The following SLC6A11 variants were observed in gnomAD, a reference collection of about 807,000 sequenced individuals.
SLC6A11 encodes solute carrier family 6 member 11.
In SLC6A11, 25 loss-of-function variants were observed where a neutral mutation model predicts 74.8. The observed-to-expected ratio is 0.33, with a 90% CI of 0.24 to 0.47. SLC6A11 has a LOEUF of 0.47. SLC6A11 is among the 20% of genes least tolerant of loss of function. SLC6A11 has a pLI of 1.00. For missense variants in SLC6A11, 574 were observed against 837.0 expected, an observed-to-expected ratio of 0.69 and a Z score of 3.88; for synonymous variants, 330 against 330.2, an observed-to-expected ratio of 1.00 and a Z score of 0.01.
At chr3:10,870,758 C>T (rs982103347) in intron 5 of SLC6A11, among the ~76,000 whole-genome samples, 3 of 152,182 alleles carry the variant, frequency 2.0e-5, no homozygotes, top group Non-Finnish European at 2.9e-5. Flanking sequence ...ACTTGTGTGC[C>T]TTACATAATG....
chr3:10,856,515 G>A (rs1694639986), intron 5 of SLC6A11, among the ~76,000 whole-genome samples: 1 of 152,206 alleles, frequency 6.6e-6, no homozygotes, highest in East Asian at 1.9e-4. Context: ...TGAAGATATT[G>A]AGGCCCAGAG....
intron 6 of SLC6A11, among the ~76,000 whole-genome samples, chr3:10,888,400 T>C (rs1162801422): frequency 1.3e-5 from 2 of 152,206 alleles, no homozygotes; most frequent in African/African-American, 2.4e-5. Context: ...AGGAAGAATC[T>C]GACTGAGGAT....
At position 10,932,775 on chromosome 3, in the gene SLC6A11, C is replaced by T. The variant is rs899600894; in HGVS notation, c.1372-376C>T. Among the ~76,000 whole-genome samples the T allele has an allele frequency of 4.6e-5, 7 of 152,090 alleles. No individual in the cohort carries two copies. The East Asian group carries it at 9.7e-4, about 21-fold the overall frequency. On this transcript the variant is annotated intron_variant, in intron 10 of 13. Coordinates refer to ENST00000254488, the MANE Select transcript of SLC6A11 (RefSeq NM_014229.3). ...AGAGGAAGGTTCCTCTGAAAGCTGG[C>T]GTGCAGACGGATTGGAGAGGGTGAG...
At chr3:10,923,766 A>T (rs920821448) in intron 8 of SLC6A11, among the ~76,000 whole-genome samples, 2 of 152,212 alleles carry the variant, frequency 1.3e-5, no homozygotes, top group African/African-American at 4.8e-5. Context: ...AAAGAGAAAA[A>T]GAGTAATGTT....
chr3:10,894,465 C>T (rs1431385093), intron 6 of SLC6A11, among the ~76,000 whole-genome samples: 3 of 152,216 alleles, frequency 2.0e-5, no homozygotes, highest in African/African-American at 7.2e-5. Flanking sequence ...GGCTCATTTA[C>T]ACCACCTCTC....
At chr3:10,873,961 C>T (rs62238739) in intron 5 of SLC6A11, among the ~76,000 whole-genome samples, 7 of 142,646 alleles carry the variant, frequency 4.9e-5, no homozygotes, top group Admixed American at 1.4e-4. Flanking sequence ...TGCTATGCTA[C>T]GCTATGCTAT....
At chr3:10,826,822 T>A (rs1329821126) in intron 4 of SLC6A11, among the ~76,000 whole-genome samples, 1 of 152,242 alleles carries the variant, frequency 6.6e-6, no homozygotes, top group South Asian at 2.1e-4. Flanking sequence ...CCCTTTGCAA[T>A]ATCCATATTA....
chr3:10,843,172 C>T (rs1005385847), intron 4 of SLC6A11, among the ~76,000 whole-genome samples: 7 of 152,100 alleles, frequency 4.6e-5, no homozygotes, highest in South Asian at 4.1e-4. Flanking sequence ...AAACCCCAAG[C>T]GTGGGTTCTG....
chr3:10,830,070 A>C (rs1694274690), intron 4 of SLC6A11, among the ~76,000 whole-genome samples: 1 of 152,140 alleles, frequency 6.6e-6, no homozygotes. Flanking sequence ...GAAAAAAAAA[A>C]CAAAAAGAGT....
rs1381038489 is a variant in SLC6A11, at chr3:10,873,990, A to ATG, written c.757-971_757-970insTG. Among the ~76,000 whole-genome samples, 130 of 133,106 alleles carry ATG rather than the reference A, an allele frequency of 9.8e-4. 3 individuals are homozygous for ATG. In the East Asian group the frequency reaches 0.021, roughly 22 times the overall value. The allele number at this position is 133,106 out of a possible 152,430, so 87.3% of individuals were successfully genotyped here. A position where few individuals can be genotyped will look rare whatever the true frequency, so the allele number is the denominator to read the frequency against. On this transcript the variant is annotated intron_variant, in intron 5 of 13. Transcript: ENST00000254488. ...ATGCTATGCTACGCTACGCTACGCTACGCTATGCTATGCTATGCTATGCTA... is the reference window on the plus strand; with the variant it reads ...ATGCTATGCTACGCTACGCTACGCTATGCGCTATGCTATGCTATGCTATGCTA...
intron 4 of SLC6A11, among the ~76,000 whole-genome samples, chr3:10,827,714 T>G (rs941518500): frequency 1.3e-5 from 2 of 152,184 alleles, no homozygotes; most frequent in African/African-American, 4.8e-5. Flanking sequence ...AGATGGAAGA[T>G]GAGGTTCTAG....
At position 10,933,194 on chromosome 3, in the gene SLC6A11, G is replaced by A; in HGVS notation, c.1415G>A (p.Ser472Asn). 6.2e-7 allele frequency: 1 copy of A among 1,614,140 alleles called. No individual in the cohort carries two copies. The highest frequency in any genetic ancestry group is 8.5e-7 in the Non-Finnish European group (1 of 1,180,026). ...CAGCTCTTTGACTCCTATGCCGCCAGTGGGATGTGCCTTCTCTTCGTGGCC... is the reference window on the plus strand; with the variant it reads ...CAGCTCTTTGACTCCTATGCCGCCAATGGGATGTGCCTTCTCTTCGTGGCC... ...IFQLFDSYAA[S>N]GMCLLFVAIF... is the part of the protein sequence containing the mutation. The change falls in exon 11 of 14, where the codon AGT becomes AAT. Residue 472 changes from serine (S) to asparagine (N), a missense_variant. By Grantham distance (46) the Ser-to-Asn change is conservative. Transcript: ENST00000254488.
intron 6 of SLC6A11, among the ~76,000 whole-genome samples, chr3:10,883,446 G>T (rs1695006378): frequency 6.6e-6 from 1 of 152,140 alleles, no homozygotes; most frequent in Non-Finnish European, 1.5e-5. Context: ...AGATCCAAAT[G>T]GTGGGGTCTG....
intron 8 of SLC6A11, among the ~76,000 whole-genome samples, chr3:10,925,310 CT>C (rs1332308032): frequency 6.6e-6 from 1 of 152,188 alleles, no homozygotes; most frequent in Non-Finnish European, 1.5e-5. Context: ...CTCAAAACCA[CT>C]TTTTTTAGAT....
intron 1 of SLC6A11, among the ~76,000 whole-genome samples, chr3:10,818,068 AT>A (rs34707916): frequency 0.017 from 2,355 of 137,494 alleles, 22 homozygotes; most frequent in African/African-American, 0.03. Context: ...TCTGTCACAG[AT>A]TTTTTTTTTT....
intron 12 of SLC6A11, among the ~76,000 whole-genome samples, chr3:10,934,481 G>A (rs531579311): frequency 6.6e-6 from 1 of 152,208 alleles, no homozygotes; most frequent in Non-Finnish European, 1.5e-5. Context: ...GGGGAACAAA[G>A]GCCTGTCCCC....
chr3:10,867,255 A>G (rs988997448), intron 5 of SLC6A11, among the ~76,000 whole-genome samples: 1 of 152,190 alleles, frequency 6.6e-6, no homozygotes, highest in Non-Finnish European at 1.5e-5. Context: ...GGAGAAGACA[A>G]GATGGCAGCA....
Position 10,940,502 on chromosome 3 carries a change from T to C in SLC6A11, c.*2100T>C, listed in dbSNP as rs939397654. 2 of 136,300 alleles carry C rather than the reference T, an allele frequency of 1.5e-5. No individual in the cohort carries two copies. Among genetic ancestry groups the C allele is most frequent in the Non-Finnish European group, 3.1e-5 (2 of 64,118 alleles). 8.4% of individuals were successfully genotyped at this position (136,300 alleles called of 1,614,324 possible). On this transcript the variant is annotated 3_prime_UTR_variant, in exon 14 of 14. Transcript: ENST00000254488. Reference sequence around the variant, plus strand: ...ACTAGTATTTGGGTAACTTTGGGGGTGGGGAGGGCAATGTGGGGGCAGGGG... The same window carrying C: ...ACTAGTATTTGGGTAACTTTGGGGGCGGGGAGGGCAATGTGGGGGCAGGGG...
At chr3:10,832,873 A>G (rs901300583) in intron 4 of SLC6A11, among the ~76,000 whole-genome samples, 3 of 152,182 alleles carry the variant, frequency 2.0e-5, no homozygotes, top group Non-Finnish European at 2.9e-5. Context: ...AAGTAGGTTT[A>G]AGTAAAAGAA....
Sources: gnomAD v4.1 joint callset for allele counts (sites outside exome capture counted in the v4.1 genomes callset) on GRCh38, gnomAD v4.1.1 for gene constraint, MANE v1.5 for transcripts, NCBI Gene and HGNC (gene_info 2026-07-23, HGNC 2026-07-21) for gene names.